The following C20orf96 variants were observed in gnomAD, a reference collection of about 807,000 sequenced individuals.
C20orf96 encodes chromosome 20 open reading frame 96.
C20orf96 carries 57 observed loss-of-function variants against 52.6 expected under a neutral mutation model. The ratio of observed to expected loss-of-function variants is 1.08; its 90% confidence interval spans 0.88 to 1.35. The LOEUF (loss-of-function observed/expected upper bound fraction) is 1.35, where lower values mean the gene tolerates loss of function less well. Among genes scored for constraint, C20orf96 ranks in the 40% most tolerant of loss-of-function variants. The pLI is 0.00. For missense variants in C20orf96, 478 were observed against 443.6 expected (o/e 1.08, Z -0.70); for synonymous variants, 168 against 157.2 (o/e 1.07, Z -0.51).
chr20:289,854 G>A (rs889179961), intron 2 of C20orf96, among the ~76,000 whole-genome samples, 178 bp from the exon 3 acceptor site: 3 of 152,170 alleles, frequency 2.0e-5, no homozygotes, highest in Non-Finnish European at 4.4e-5. Context: ...AATTCTGAGA[G>A]ATATTTATGA....
rs1426990125 is a variant in C20orf96, at chr20:276,349, T to C, written c.913-263A>G. ...TTACAAAGTGGCGGGGAATGCTCAA[T>C]CATGGGAATGAATGGAGGCTGGCAG... On this transcript the variant is annotated intron_variant, in intron 9 of 10. Transcript: ENST00000360321. 3.0e-6 allele frequency: 3 copies of C among 985,272 alleles called. No individual in the cohort carries two copies. The African/African-American group carries it at 5.2e-5, about 17-fold the overall frequency. 61.0% of individuals were successfully genotyped at this position (985,272 alleles called of 1,614,324 possible). A position where few individuals can be genotyped will look rare whatever the true frequency, so the allele number is the denominator to read the frequency against.
Position 283,971 on chromosome 20 carries a change from A to G in C20orf96, c.298T>C (p.Leu100=). ...GAAGATGTGCCTCATACCTTCATTA[A>G]CCAGATTTTGGCATGCATCTTCCCA... ...DPGKMHAKIW[L]MKTSLRSGRA... The change falls in exon 4 of 11, where the codon TTA becomes CTA. Residue 100 remains leucine, a synonymous_variant. Transcript: ENST00000360321. 1 of 1,612,120 alleles carries G rather than the reference A, an allele frequency of 6.2e-7. No homozygotes were observed.
intron 3 of C20orf96, among the ~76,000 whole-genome samples, chr20:284,772 G>A (rs1340817309): frequency 2.6e-5 from 4 of 152,134 alleles, no homozygotes; most frequent in African/African-American, 7.2e-5. Flanking sequence ...CAAGAGAATC[G>A]TTTGAACTCG....
intron 9 of C20orf96, 173 bp from the exon 10 acceptor site, chr20:276,259 T>G: frequency 1.0e-6 from 1 of 985,420 alleles, no homozygotes; most frequent in Non-Finnish European, 1.2e-6. Context: ...GCGGCTGGCT[T>G]CCAAGTTAGT....
intron 6 of C20orf96, among the ~76,000 whole-genome samples, chr20:278,006 T>A (rs907026734): frequency 5.3e-5 from 8 of 152,296 alleles, no homozygotes; most frequent in African/African-American, 1.9e-4. Flanking sequence ...CTATATAACC[T>A]TCCACAAGCT....
chr20:281,121 A>T (rs1176281061), intron 4 of C20orf96, among the ~76,000 whole-genome samples: 1 of 152,068 alleles, frequency 6.6e-6, no homozygotes, highest in South Asian at 2.1e-4. Flanking sequence ...ATGCCACCAC[A>T]CTCCAGCCCG....
intron 3 of C20orf96, among the ~76,000 whole-genome samples, chr20:286,690 T>A (rs2012395836): frequency 1.3e-5 from 2 of 152,172 alleles, no homozygotes; most frequent in Admixed American, 6.5e-5. Flanking sequence ...CCTGCAAAAG[T>A]ACGGTACAAT....
intron 3 of C20orf96, among the ~76,000 whole-genome samples, chr20:286,259 G>C (rs2012381856): frequency 6.6e-6 from 1 of 152,290 alleles, no homozygotes; most frequent in East Asian, 1.9e-4. Context: ...GCTCACGCCT[G>C]TAATCCCAGC....
At chr20:274,943 C>T (rs985778880) in intron 10 of C20orf96, among the ~76,000 whole-genome samples, 4 of 152,110 alleles carry the variant, frequency 2.6e-5, no homozygotes, top group South Asian at 4.1e-4. Context: ...CTCAGCCTCC[C>T]GAGTAGCTGG....
chr20:285,183 T>C (rs1289836711), intron 3 of C20orf96, among the ~76,000 whole-genome samples: 1 of 152,206 alleles, frequency 6.6e-6, no homozygotes, highest in Non-Finnish European at 1.5e-5. Context: ...TGGCTGTCTC[T>C]GAAACACTCT....
intron 3 of C20orf96, among the ~76,000 whole-genome samples, chr20:284,788 C>T (rs1283313332): frequency 6.6e-6 from 1 of 152,078 alleles, no homozygotes; most frequent in African/African-American, 2.4e-5. Context: ...ACTCGGGAGG[C>T]GGAGGTTGCA....
intron 2 of C20orf96, 115 bp downstream of exon 2, chr20:290,143 TG>T: frequency 1.3e-6 from 1 of 762,162 alleles, no homozygotes; most frequent in Non-Finnish European, 2.1e-6. Context: ...CGGCTGGGAC[TG>T]GAATTCGGGT....
At chr20:276,479 G>T (rs1238935788) in intron 9 of C20orf96, 1 of 985,310 alleles carries the variant, frequency 1.0e-6, no homozygotes, top group East Asian at 1.1e-4. Flanking sequence ...GATAATGGGT[G>T]GTGGGCAGTA....
At chr20:286,558 A>AGAGGG (rs2012391417) in intron 3 of C20orf96, among the ~76,000 whole-genome samples, 1 of 145,722 alleles carries the variant, frequency 6.9e-6, no homozygotes, top group Non-Finnish European at 1.5e-5. Context: ...AGAGGAGAGG[A>AGAGGG]GAGGGGAGGG....
intron 3 of C20orf96, among the ~76,000 whole-genome samples, chr20:284,312 C>T (rs1489236190): frequency 6.6e-6 from 1 of 152,222 alleles, no homozygotes; most frequent in Non-Finnish European, 1.5e-5. Flanking sequence ...AAAGCAGTAA[C>T]TATGGACATG....
chr20:273,475 G>C (rs543888516), intron 10 of C20orf96, among the ~76,000 whole-genome samples: 8 of 152,140 alleles, frequency 5.3e-5, no homozygotes, highest in Admixed American at 2.6e-4. Flanking sequence ...ACTCAGCTCC[G>C]TGTCAATGCC....
chr20:279,969 CAATAAT>C (rs558448180), intron 4 of C20orf96, among the ~76,000 whole-genome samples: 10 of 150,854 alleles, frequency 6.6e-5, no homozygotes, highest in African/African-American at 1.2e-4. Flanking sequence ...ATTCCTGTCC[CAATAAT>C]AATAATAATA....
rs71191933 is a variant in C20orf96, at chr20:271,443, TACACACACACACACAC to T, written c.1032-192_1032-177del. 1.6e-3 allele frequency among the ~76,000 whole-genome samples: 212 copies of T among 134,648 alleles called. 1 individual carries two copies. Among genetic ancestry groups the T allele is most frequent in the African/African-American group, 5.0e-3 (196 of 39,578 alleles). 88.3% of individuals were successfully genotyped at this position (134,648 alleles called of 152,430 possible). On this transcript the variant is annotated intron_variant, in intron 10 of 10. Coordinates refer to ENST00000360321, the MANE Select transcript of C20orf96 (RefSeq NM_153269.3). ...AAGCCCAACTGTGCATACACAAGCA[TACACACACACACACAC>T]ACACACACACACACACACACATACA...
intron 1 of C20orf96, 92 bp downstream of exon 1, chr20:290,499 C>T: frequency 6.4e-7 from 1 of 1,570,086 alleles, no homozygotes; most frequent in South Asian, 1.1e-5. Flanking sequence ...CGAGGGCGAC[C>T]TCGAGGCGAG....
Sources: allele counts gnomAD v4.1 joint callset (sites outside exome capture counted in the v4.1 genomes callset), GRCh38; gene constraint gnomAD v4.1.1; transcripts MANE v1.5; gene names NCBI Gene and HGNC (gene_info 2026-07-23, HGNC 2026-07-21).